MAGI2: variants seen among roughly 807,000 people sequenced by gnomAD.
MAGI2 encodes the protein membrane associated guanylate kinase, WW and PDZ domain containing 2, also known as membrane-associated guanylate kinase, WW and PDZ domain-containing protein 2.
Under a neutral mutation model 133.3 loss-of-function variants are expected in MAGI2, and 35 were observed. The observed-to-expected ratio is 0.26, with a 90% CI of 0.20 to 0.35. The LOEUF is 0.35. Ranked by LOEUF, MAGI2 falls within the 10% of genes least tolerant of loss-of-function variation. The pLI, the probability that MAGI2 is intolerant of heterozygous loss-of-function variation, is 1.00. For missense variants in MAGI2, 1,636 were observed against 1,863.4 expected (o/e 0.88, Z 2.25); for synonymous variants, 729 against 710.6 (o/e 1.03, Z -0.41).
chr7:79,113,363 T>G (rs1280762006), intron 1 of MAGI2, among the ~76,000 whole-genome samples: 2 of 152,206 alleles, frequency 1.3e-5, no homozygotes, highest in Non-Finnish European at 2.9e-5. Flanking sequence ...AGCACTATTA[T>G]TCATCATTTA....
intron 16 of MAGI2, among the ~76,000 whole-genome samples, chr7:78,141,709 C>A (rs967997876): frequency 6.6e-6 from 1 of 152,084 alleles, no homozygotes; most frequent in Admixed American, 6.5e-5. Flanking sequence ...CGTTTTCCCC[C>A]CTCCCAGCAC....
intron 2 of MAGI2, among the ~76,000 whole-genome samples, chr7:78,992,711 AT>A: frequency 6.6e-6 from 1 of 152,110 alleles, no homozygotes; most frequent in East Asian, 1.9e-4. Flanking sequence ...TTGTGTGTAC[AT>A]TTTTAATGTA....
At chr7:78,789,197 A>G (rs1485830702) in intron 2 of MAGI2, among the ~76,000 whole-genome samples, 1 of 152,194 alleles carries the variant, frequency 6.6e-6, no homozygotes, top group East Asian at 1.9e-4. Context: ...CCTCTCCCTA[A>G]GATTTAGAAT....
chr7:79,227,556 CT>C (rs2129553923), intron 1 of MAGI2, among the ~76,000 whole-genome samples: 1 of 152,034 alleles, frequency 6.6e-6, no homozygotes, highest in Non-Finnish European at 1.5e-5. Context: ...ATCTTCACTC[CT>C]TTTTTCAGCA....
intron 1 of MAGI2, among the ~76,000 whole-genome samples, chr7:79,172,373 A>T (rs75472459): frequency 0.065 from 9,911 of 152,136 alleles, 611 homozygotes; most frequent in African/African-American, 0.16. Context: ...GGAGAAACAC[A>T]GTAATTGACA....
At chr7:79,068,899 T>C (rs1002451141) in intron 1 of MAGI2, among the ~76,000 whole-genome samples, 1 of 152,204 alleles carries the variant, frequency 6.6e-6, no homozygotes, top group South Asian at 2.1e-4. Context: ...ATGTGCAGTT[T>C]TGAGTGAGTT....
At chr7:78,731,448 G>T (rs112435463) in intron 2 of MAGI2, among the ~76,000 whole-genome samples, 1 of 152,110 alleles carries the variant, frequency 6.6e-6, no homozygotes, top group African/African-American at 2.4e-5. Flanking sequence ...TTCATTACCA[G>T]ACATTTGAAG....
chr7:78,175,353 C>T lies in MAGI2; in HGVS notation c.2403+2658G>A, dbSNP rs77098147. Reference sequence around the variant, plus strand: ...TTGAGTCCAGTGTGACATACTTCTCCAGGGTAGAAAACCCACAGTAGGCTG... The same window carrying T: ...TTGAGTCCAGTGTGACATACTTCTCTAGGGTAGAAAACCCACAGTAGGCTG... On this transcript the variant is annotated intron_variant, in intron 14 of 21. Transcript: ENST00000354212. 7.7e-3 allele frequency among the ~76,000 whole-genome samples: 1,166 copies of T among 152,234 alleles called. 15 individuals carry two copies. Among genetic ancestry groups the T allele is most frequent in the African/African-American group, 0.026 (1,094 of 41,526 alleles).
In MAGI2 at chr7:79,008,052, A is replaced by T. The variant is rs1399704756; in HGVS notation, c.302-846T>A. Among the ~76,000 whole-genome samples, 3 of 152,258 alleles carry T rather than the reference A, an allele frequency of 2.0e-5. No individual in the cohort carries two copies. The East Asian group carries it at 5.8e-4, about 29-fold the overall frequency. ...ATGACTTGTTAACTTATAAAGATTT[A>T]TCTTAAAACCTTTCCTATTTCCATA... On this transcript the variant is annotated intron_variant, in intron 1 of 21. Transcript: ENST00000354212.
intron 3 of MAGI2, among the ~76,000 whole-genome samples, chr7:78,560,407 T>G (rs534405411): frequency 1.3e-5 from 2 of 152,162 alleles, no homozygotes; most frequent in African/African-American, 4.8e-5. Flanking sequence ...TGAAAGTGGA[T>G]AGAGTTTCCA....
chr7:78,052,673 A>G (rs900876717), intron 21 of MAGI2, among the ~76,000 whole-genome samples: 6 of 152,222 alleles, frequency 3.9e-5, no homozygotes, highest in Admixed American at 1.3e-4. Flanking sequence ...TGGGGAAAAA[A>G]ATACTTTAAT....
chr7:78,831,874 GTT>G (rs1353550916), intron 2 of MAGI2, among the ~76,000 whole-genome samples: 1 of 152,122 alleles, frequency 6.6e-6, no homozygotes, highest in African/African-American at 2.4e-5. Context: ...TGAAAAGAGA[GTT>G]ATAATTTTCA....
At chr7:78,836,358 T>C (rs2151453222) in intron 2 of MAGI2, among the ~76,000 whole-genome samples, 1 of 152,338 alleles carries the variant, frequency 6.6e-6, no homozygotes, top group South Asian at 2.1e-4. Context: ...ATATGCATTA[T>C]GGCACAGTAT....
At chr7:79,021,839 C>T (rs6964007) in intron 1 of MAGI2, among the ~76,000 whole-genome samples, 89,365 of 151,948 alleles carry the variant, frequency 0.59, 26,611 homozygotes, top group East Asian at 0.63. Flanking sequence ...GATATGGCTG[C>T]GTCTTTGTCC....
intron 1 of MAGI2, among the ~76,000 whole-genome samples, chr7:79,408,418 T>G (rs9969308): frequency 0.24 from 36,320 of 151,724 alleles, 5,537 homozygotes; most frequent in African/African-American, 0.41. Context: ...TGTCTAGAGT[T>G]GGGTCTTTGG....
chr7:79,280,750 C>A, intron 1 of MAGI2, among the ~76,000 whole-genome samples: 1 of 151,370 alleles, frequency 6.6e-6, no homozygotes, highest in East Asian at 1.9e-4. Flanking sequence ...ACGGCAAGAT[C>A]ACACCTCTAC....
chr7:79,379,070 C>T (rs1400241726), intron 1 of MAGI2, among the ~76,000 whole-genome samples: 1 of 150,216 alleles, frequency 6.7e-6, no homozygotes, highest in Non-Finnish European at 1.5e-5. Flanking sequence ...ATTAACTCGT[C>T]ATTTACATTA....
chr7:79,074,572 A>G (rs748091223), intron 1 of MAGI2, among the ~76,000 whole-genome samples: 5 of 152,206 alleles, frequency 3.3e-5, no homozygotes, highest in Non-Finnish European at 5.9e-5. Flanking sequence ...TTGATGTGTA[A>G]AGATGTTTAC....
At chr7:78,624,755 A>G (rs186091363) in intron 3 of MAGI2, among the ~76,000 whole-genome samples, 1 of 152,254 alleles carries the variant, frequency 6.6e-6, no homozygotes, top group East Asian at 1.9e-4. Flanking sequence ...GCACGTATTT[A>G]CCTACGTAAC....
Sources: allele counts gnomAD v4.1 joint callset (sites outside exome capture counted in the v4.1 genomes callset), GRCh38; gene constraint gnomAD v4.1.1; transcripts MANE v1.5; gene names NCBI Gene and HGNC (gene_info 2026-07-23, HGNC 2026-07-21).